Variants in ADGRL3 observed in about 807,000 individuals in gnomAD.
ADGRL3 encodes the protein adhesion G protein-coupled receptor L3, also known as calcium-independent alpha-latrotoxin receptor 3.
ADGRL3 carries 62 observed loss-of-function variants against 153.5 expected under a neutral mutation model. That is an observed-to-expected ratio of 0.40 (90% CI 0.33 to 0.50). ADGRL3 has a LOEUF of 0.50. Ranked by LOEUF, ADGRL3 falls within the 20% of genes least tolerant of loss-of-function variation. The probability of loss-of-function intolerance (pLI) is 0.47; values close to 1 mark genes in which losing one functional copy is unlikely to be tolerated. For synonymous variants in ADGRL3, 710 were observed against 672.5 expected (o/e 1.06, Z -0.86); for missense variants, 1,641 against 1,859.4 (o/e 0.88, Z 2.16).
chr4:61,610,754 C>T (rs551555404), intron 5 of ADGRL3, among the ~76,000 whole-genome samples: 16 of 151,716 alleles, frequency 1.1e-4, no homozygotes, highest in East Asian at 3.9e-4. Context: ...TGACTTTAAT[C>T]GTGGCAAACA....
chr4:61,710,659 CAT>C (rs1445700398), intron 6 of ADGRL3, among the ~76,000 whole-genome samples: 1 of 152,120 alleles, frequency 6.6e-6, no homozygotes, highest in Admixed American at 6.6e-5. Context: ...TATTTAAACA[CAT>C]GTATTCAAAA....
At chr4:61,417,177 G>T (rs966119454) in intron 2 of ADGRL3, among the ~76,000 whole-genome samples, 2 of 152,114 alleles carry the variant, frequency 1.3e-5, no homozygotes, top group Non-Finnish European at 2.9e-5. Context: ...TGGCCTAGGG[G>T]TTGGGGATCC....
At chr4:61,554,609 G>A (rs2098757016) in intron 4 of ADGRL3, among the ~76,000 whole-genome samples, 1 of 152,136 alleles carries the variant, frequency 6.6e-6, no homozygotes, top group Non-Finnish European at 1.5e-5. Flanking sequence ...GAGAGAGAGG[G>A]AGACAGAGGA....
intron 6 of ADGRL3, among the ~76,000 whole-genome samples, chr4:61,719,074 A>G (rs1451294977): frequency 6.6e-6 from 1 of 152,142 alleles, no homozygotes; most frequent in Non-Finnish European, 1.5e-5. Flanking sequence ...ATTGTGTATC[A>G]CATTATATAC....
intron 9 of ADGRL3, among the ~76,000 whole-genome samples, chr4:61,846,282 A>C (rs1251769540): frequency 6.6e-6 from 1 of 151,900 alleles, no homozygotes; most frequent in Non-Finnish European, 1.5e-5. Context: ...GCATCACTGC[A>C]CTCTAGCCTA....
chr4:61,496,857 C>T (rs1386094726), intron 2 of ADGRL3, among the ~76,000 whole-genome samples: 2 of 151,054 alleles, frequency 1.3e-5, no homozygotes, highest in Admixed American at 6.6e-5. Context: ...AGGAGAATGG[C>T]GTGAACCCGG....
In ADGRL3 at chr4:61,201,930, G is replaced by A. The variant is rs547694967; in HGVS notation, c.-240+165G>A. Among the ~76,000 whole-genome samples the A allele has an allele frequency of 1.7e-3, 258 of 152,226 alleles. 1 individual carries two copies. Among genetic ancestry groups the A allele is most frequent in the Non-Finnish European group, 2.9e-3 (200 of 68,016 alleles). On this transcript the variant is annotated intron_variant, in intron 1 of 26. Coordinates refer to ENST00000683033, the MANE Select transcript of ADGRL3 (RefSeq NM_001387552.1). ...ACACACACTCATCCGGTCGTGGTGCGGGGCGGGAAGGGAACCTCCTGGCTG... is the reference window on the plus strand; with the variant it reads ...ACACACACTCATCCGGTCGTGGTGCAGGGCGGGAAGGGAACCTCCTGGCTG...
chr4:61,983,715 G>A (rs980386400), intron 19 of ADGRL3, 112 bp downstream of exon 19: 3 of 892,122 alleles, frequency 3.4e-6, no homozygotes, highest in African/African-American at 1.7e-5. Flanking sequence ...GGCAGCAAAT[G>A]TGTATAATTC....
intron 8 of ADGRL3, among the ~76,000 whole-genome samples, chr4:61,764,873 T>C (rs1332251206): frequency 6.6e-6 from 1 of 150,586 alleles, no homozygotes; most frequent in African/African-American, 2.5e-5. Context: ...TGAAGGGAGG[T>C]CTTGTGGTAA....
chr4:61,230,184 G>A lies in ADGRL3; in HGVS notation c.-240+28419G>A, dbSNP rs377570595. The stretch of plus-strand genomic sequence containing the variant: ...GTTTTCTTGCTTAGTGATGGTAAGC[G>A]ATCACGGCTGTCTGCTAGAAGCCCT... On this transcript the variant is annotated intron_variant, in intron 1 of 26. Coordinates refer to ENST00000683033, the MANE Select transcript of ADGRL3 (RefSeq NM_001387552.1). Among the ~76,000 whole-genome samples the A allele has an allele frequency of 2.4e-4, 37 of 152,264 alleles. No individual in the cohort carries two copies. The East Asian group carries it at 5.8e-3, about 24-fold the overall frequency.
At chr4:61,381,293 TTGTGTGTGTGTGTGTG>T (rs55767359) in intron 1 of ADGRL3, among the ~76,000 whole-genome samples, 4 of 141,374 alleles carry the variant, frequency 2.8e-5, no homozygotes, top group South Asian at 2.3e-4. Context: ...ATAAACAAGT[TTGTGTGTGTGTGTGTG>T]TGTGTGTGTG....
intron 11 of ADGRL3, among the ~76,000 whole-genome samples, chr4:61,905,998 T>C (rs41431344): frequency 0.019 from 2,962 of 152,034 alleles, 94 homozygotes; most frequent in African/African-American, 0.059. Context: ...TAAGGATTTC[T>C]CTTTTCATTA....
chr4:61,935,089 A>T, intron 14 of ADGRL3, 66 bp downstream of exon 14: 3 of 1,388,832 alleles, frequency 2.2e-6, no homozygotes, highest in Non-Finnish European at 3.0e-6. Flanking sequence ...AAAAGAAAAA[A>T]GTATCTCTGG....
chr4:61,521,581 G>A (rs925294874), intron 4 of ADGRL3, among the ~76,000 whole-genome samples: 2 of 152,130 alleles, frequency 1.3e-5, no homozygotes, highest in African/African-American at 4.8e-5. Flanking sequence ...AAATAGACGA[G>A]TCTGTTCTAT....
At chr4:61,235,447 G>C (rs1323464471) in intron 1 of ADGRL3, among the ~76,000 whole-genome samples, 2 of 152,184 alleles carry the variant, frequency 1.3e-5, no homozygotes, top group African/African-American at 4.8e-5. Flanking sequence ...GAATGATACT[G>C]TAGTGTATTA....
At chr4:61,271,705 T>C (rs1047959961) in intron 1 of ADGRL3, among the ~76,000 whole-genome samples, 1 of 152,026 alleles carries the variant, frequency 6.6e-6, no homozygotes, top group South Asian at 2.1e-4. Context: ...CCAGAATTAA[T>C]GTGTAAATGA....
At chr4:61,744,870 A>C (rs1167148372) in intron 8 of ADGRL3, among the ~76,000 whole-genome samples, 1 of 152,204 alleles carries the variant, frequency 6.6e-6, no homozygotes, top group Non-Finnish European at 1.5e-5. Context: ...ACAGAGAATG[A>C]CTTTGATGAG....
intron 17 of ADGRL3, among the ~76,000 whole-genome samples, chr4:61,954,534 A>G (rs941204945): frequency 2.0e-5 from 3 of 152,014 alleles, no homozygotes; most frequent in East Asian, 3.9e-4. Context: ...CTTTGATTCA[A>G]TCTCTAATGA....
At chr4:61,793,397 T>C (rs946093748) in intron 8 of ADGRL3, among the ~76,000 whole-genome samples, 1 of 152,110 alleles carries the variant, frequency 6.6e-6, no homozygotes, top group Non-Finnish European at 1.5e-5. Context: ...CACTCCAGCC[T>C]GGGCGACAGA....
Sources: gnomAD v4.1 joint callset for allele counts (sites outside exome capture counted in the v4.1 genomes callset) on GRCh38, gnomAD v4.1.1 for gene constraint, MANE v1.5 for transcripts, NCBI Gene and HGNC (gene_info 2026-07-23, HGNC 2026-07-21) for gene names.